The following N4BP1 variants were observed in gnomAD, a reference collection of about 807,000 sequenced individuals.
The protein encoded by N4BP1 is NEDD4-binding protein 1.
A neutral mutation model predicts 70.9 loss-of-function variants in N4BP1; 21 were observed. That is an observed-to-expected ratio of 0.30 (90% CI 0.21 to 0.43). The LOEUF (loss-of-function observed/expected upper bound fraction) is 0.43, where lower values mean the gene tolerates loss of function less well. Among genes scored for constraint, N4BP1 ranks in the 20% least tolerant of loss-of-function variants. The pLI is 1.00. For synonymous variants in N4BP1, 387 were observed against 394.6 expected (o/e 0.98, Z 0.23); for missense variants, 936 against 1,069.4 (o/e 0.88, Z 1.74).
rs766323593 is a variant in N4BP1 at position 48,561,660 on chromosome 16, G to A, written c.983C>T (p.Ser328Phe). The A allele has an allele frequency of 2.0e-5, 32 of 1,613,318 alleles. No individual in the cohort carries two copies. The highest frequency in any genetic ancestry group is 2.5e-5 in the Non-Finnish European group (29 of 1,179,860). ...GNVIADLSDS[S>F]ADSENLSPDI... ...TGGACTTAAATTTTCAGAATCAGCAGAAGAATCAGATAGGTCAGCTATTAC... is the reference window on the plus strand; with the variant it reads ...TGGACTTAAATTTTCAGAATCAGCAAAAGAATCAGATAGGTCAGCTATTAC... The change falls in exon 2 of 7, where the codon TCT becomes TTT. Residue 328 changes from serine (S) to phenylalanine (F), a missense_variant. Physicochemically the swap from Ser to Phe is radical, Grantham distance 155. Transcript: ENST00000262384.
intron 4 of N4BP1, among the ~76,000 whole-genome samples, chr16:48,550,171 T>C (rs948042768): frequency 3.9e-5 from 6 of 152,182 alleles, no homozygotes; most frequent in African/African-American, 1.4e-4. Context: ...CCCCAGAACC[T>C]ACCTCGGTGT....
intron 1 of N4BP1, among the ~76,000 whole-genome samples, chr16:48,567,845 G>T (rs1307082731): frequency 2.6e-5 from 4 of 152,034 alleles, no homozygotes. Flanking sequence ...AATTCCTAGG[G>T]GTGGTCCCCA....
chr16:48,543,337 T>G, intron 6 of N4BP1, 76 bp from the exon 7 acceptor site: 13 of 1,183,636 alleles, frequency 1.1e-5, no homozygotes, highest in Non-Finnish European at 1.5e-5. Context: ...AGAAGGTACC[T>G]GCGGCAGGCC....
intron 1 of N4BP1, chr16:48,600,279 T>C: frequency 8.7e-7 from 1 of 1,144,568 alleles, no homozygotes; most frequent in Non-Finnish European, 1.3e-6. Flanking sequence ...TCATAAAAAC[T>C]TTAAAAAGAA....
chr16:48,545,253 C>G (rs1056181445), intron 6 of N4BP1, among the ~76,000 whole-genome samples: 1 of 151,688 alleles, frequency 6.6e-6, no homozygotes, highest in South Asian at 2.1e-4. Context: ...GCGTGAGCCA[C>G]CAAACCCGGC....
At chr16:48,557,980 A>T (rs1199745662) in intron 2 of N4BP1, among the ~76,000 whole-genome samples, 1 of 152,132 alleles carries the variant, frequency 6.6e-6, no homozygotes, top group Non-Finnish European at 1.5e-5. Flanking sequence ...TCCAAAAAAA[A>T]TTGAGGTAAA....
At position 48,561,859 on chromosome 16, in the gene N4BP1, G is replaced by T; in HGVS notation, c.784C>A (p.Leu262Ile). Residue 262 changes from leucine to isoleucine, a missense_variant, in exon 2 of 7, where the codon CTT becomes ATT. By Grantham distance (5) the Leu-to-Ile change is conservative. Coordinates refer to ENST00000262384, the MANE Select transcript of N4BP1 (RefSeq NM_153029.4). ...GTTAGACCATTTATTGGATCAAAAA[G>T]CACATCTGGTGAGCTAGAAAGGACT... The part of the protein sequence containing the change: ...DTVLSSSPDV[L>I]FDPINGLTPD... 6.2e-7 allele frequency: 1 copy of T among 1,613,862 alleles called. No individual in the cohort carries two copies.
At chr16:48,588,765 T>C (rs1385961233) in intron 1 of N4BP1, among the ~76,000 whole-genome samples, 1 of 152,224 alleles carries the variant, frequency 6.6e-6, no homozygotes, top group East Asian at 1.9e-4. Flanking sequence ...TGAAGCAATT[T>C]AGACAGCCAC....
chr16:48,544,547 T>A (rs1388035126), intron 6 of N4BP1, among the ~76,000 whole-genome samples: 1 of 152,224 alleles, frequency 6.6e-6, no homozygotes, highest in Non-Finnish European at 1.5e-5. Context: ...TGGGGTCATA[T>A]GATCTCCCTG....
At chr16:48,605,040 T>A (rs1262661755) in intron 1 of N4BP1, among the ~76,000 whole-genome samples, 1 of 152,004 alleles carries the variant, frequency 6.6e-6, no homozygotes, top group Non-Finnish European at 1.5e-5. Context: ...GTTCTTTTTT[T>A]TTTTTTCTCA....
At chr16:48,564,736 T>C (rs558435707) in intron 1 of N4BP1, among the ~76,000 whole-genome samples, 1 of 152,358 alleles carries the variant, frequency 6.6e-6, no homozygotes, top group Admixed American at 6.5e-5. Context: ...GACAATTATG[T>C]GTCAGCAAGT....
chr16:48,600,528 A>G lies in N4BP1; in HGVS notation c.198+9247T>C, dbSNP rs193277974. On this transcript the variant is annotated intron_variant, in intron 1 of 6. Coordinates refer to ENST00000262384, the MANE Select transcript of N4BP1 (RefSeq NM_153029.4). ...AAATAAGAGCTACAGAAAGTTCAGG[A>G]TATCAAACAGGTCAAGCAAAACATC... 2.2e-5 allele frequency: 13 copies of G among 590,064 alleles called. No individual in the cohort carries two copies. The East Asian group carries it at 3.9e-4, about 18-fold the overall frequency. 36.6% of individuals were successfully genotyped at this position (590,064 alleles called of 1,614,324 possible).
rs78787214 is a variant in N4BP1, at chr16:48,586,292, G to A, written c.198+23483C>T. Reference sequence around the variant, plus strand: ...AACCTTCCAAGCAGCTGGCACCACAGGTGCACACCACCATGCTTAACTACC... The same window carrying A: ...AACCTTCCAAGCAGCTGGCACCACAAGTGCACACCACCATGCTTAACTACC... On this transcript the variant is annotated intron_variant, in intron 1 of 6. Coordinates refer to ENST00000262384, the MANE Select transcript of N4BP1 (RefSeq NM_153029.4). 7.2e-3 allele frequency among the ~76,000 whole-genome samples: 1,099 copies of A among 152,286 alleles called. 12 individuals are homozygous for A. Among genetic ancestry groups the A allele is most frequent in the African/African-American group, 0.025 (1,048 of 41,550 alleles).
At chr16:48,596,146 G>A (rs1365820236) in intron 1 of N4BP1, among the ~76,000 whole-genome samples, 3 of 152,162 alleles carry the variant, frequency 2.0e-5, no homozygotes. Context: ...GACTAGGAGA[G>A]AAACGTGTTT....
chr16:48,571,603 G>C (rs1011059406), intron 1 of N4BP1, among the ~76,000 whole-genome samples: 1 of 152,010 alleles, frequency 6.6e-6, no homozygotes, highest in Non-Finnish European at 1.5e-5. Context: ...TGAACCCACA[G>C]AACAGGAATC....
rs1963474421 is a variant in N4BP1, at chr16:48,540,197, G to C, written c.*2707C>G. On this transcript the variant is annotated 3_prime_UTR_variant, in exon 7 of 7. Transcript: ENST00000262384. ...CACTGCAGGAACTGGGTGAGGACAA[G>C]GAGGTGCGAGGAAAGGGGTTGGGGG... 6.6e-6 allele frequency: 1 copy of C among 152,592 alleles called. No homozygotes were observed. The highest frequency in any genetic ancestry group is 1.5e-5 in the Non-Finnish European group (1 of 68,318). The allele number at this position is 152,592 out of a possible 1,614,324, so 9.5% of individuals were successfully genotyped here.
chr16:48,591,877 T>C (rs865831899), intron 1 of N4BP1, among the ~76,000 whole-genome samples: 4 of 127,278 alleles, frequency 3.1e-5, no homozygotes, highest in African/African-American at 1.4e-4. Flanking sequence ...TTACATTATG[T>C]TACCTGACGT....
intron 1 of N4BP1, among the ~76,000 whole-genome samples, chr16:48,590,874 C>T (rs1964326817): frequency 6.6e-6 from 1 of 151,880 alleles, no homozygotes; most frequent in African/African-American, 2.4e-5. Context: ...GTTGGCTCTC[C>T]TTAATTAGTA....
intron 1 of N4BP1, among the ~76,000 whole-genome samples, chr16:48,566,039 T>C (rs1221011668): frequency 2.6e-5 from 4 of 152,178 alleles, no homozygotes; most frequent in South Asian, 2.1e-4. Context: ...GTTGATTTTA[T>C]TGATCTTTTC....
Sources: gnomAD v4.1 joint callset for allele counts (sites outside exome capture counted in the v4.1 genomes callset) on GRCh38, gnomAD v4.1.1 for gene constraint, MANE v1.5 for transcripts, NCBI Gene and HGNC (gene_info 2026-07-23, HGNC 2026-07-21) for gene names.